The following FGFR3 variants were observed in gnomAD, a reference collection of about 807,000 sequenced individuals.
The protein encoded by FGFR3 is FGFR-3.
Under a neutral mutation model 82.9 loss-of-function variants are expected in FGFR3, and 25 were observed. The ratio of observed to expected loss-of-function variants is 0.30; its 90% CI spans 0.22 to 0.42. The LOEUF is 0.42. Among genes scored for constraint, FGFR3 ranks in the 10% least tolerant of loss-of-function variants. FGFR3 has a pLI of 1.00. For synonymous variants in FGFR3, 620 were observed against 516.0 expected, an observed-to-expected ratio of 1.20 and a Z score of -2.73; for missense variants, 1,026 against 1,161.0, an observed-to-expected ratio of 0.88 and a Z score of 1.69.
intron 2 of FGFR3, among the ~76,000 whole-genome samples, chr4:1,797,371 G>A (rs1321485632): frequency 6.6e-6 from 1 of 152,154 alleles, no homozygotes; most frequent in East Asian, 1.9e-4. Flanking sequence ...GCCTCTGCTG[G>A]CACCTAGCAG....
At chr4:1,793,739 G>T in intron 1 of FGFR3, 94 bp from the exon 2 acceptor site, 1 of 156,698 alleles carries the variant, frequency 6.4e-6, no homozygotes, top group South Asian at 1.8e-4. Context: ...CGGGCGGGGC[G>T]GCTGGGGGTC....
At chr4:1,795,532 A>T (rs1484102791) in intron 2 of FGFR3, among the ~76,000 whole-genome samples, 1 of 151,638 alleles carries the variant, frequency 6.6e-6, no homozygotes, top group Admixed American at 6.6e-5. Flanking sequence ...TGGGCCGGGC[A>T]GTAAAAATAC....
chr4:1,800,752 G>C (rs981718543), intron 4 of FGFR3, among the ~76,000 whole-genome samples: 15 of 152,194 alleles, frequency 9.9e-5, no homozygotes, highest in African/African-American at 3.6e-4. Flanking sequence ...AGTCCCGGCA[G>C]GAAGGCAGCA....
intron 6 of FGFR3, 33 bp from the exon 7 acceptor site, chr4:1,801,802 G>C: frequency 6.3e-7 from 1 of 1,599,548 alleles, no homozygotes; most frequent in Non-Finnish European, 8.5e-7. Context: ...GGTGAGGGAG[G>C]GGGTGGCCCC....
At chr4:1,799,563 G>C in intron 3 of FGFR3, 40 bp downstream of exon 3, 1 of 1,549,820 alleles carries the variant, frequency 6.5e-7, no homozygotes, top group South Asian at 1.2e-5. Context: ...AAGGAGCCGA[G>C]TGCCGGGCTC....
At chr4:1,803,982 T>A in intron 8 of FGFR3, 146 bp downstream of exon 8, 1 of 1,049,746 alleles carries the variant, frequency 9.5e-7, no homozygotes, top group Non-Finnish European at 1.4e-6. Context: ...GTGCCCAGTG[T>A]GGGGACAAAG....
chr4:1,807,280 A>C lies in FGFR3; in HGVS notation c.*18A>C, dbSNP rs768467199. ...GGACGTGAAGGGCCACTGGTCCCCA[A>C]CAATGTGAGGGGTCCCTAGCAGCCC... On this transcript the variant is annotated 3_prime_UTR_variant, in exon 18 of 18. Coordinates refer to ENST00000440486, the MANE Select transcript of FGFR3 (RefSeq NM_000142.5). 8.8e-6 allele frequency: 14 copies of C among 1,585,120 alleles called. No homozygotes were observed. In the South Asian group the frequency reaches 1.6e-4, roughly 18 times the overall value.
rs2108811926 is a variant in FGFR3, at chr4:1,806,606, C to A, written c.2091C>A (p.Gly697=). 6.2e-7 allele frequency: 1 copy of A among 1,613,222 alleles called. No individual in the cohort carries two copies. The highest frequency in any genetic ancestry group is 8.5e-7 in the Non-Finnish European group (1 of 1,179,966). ...CGCTGGGGGGCTCCCCGTACCCCGG[C>A]ATCCCTGTGGAGGAGCTCTTCAAGC... ...IFTLGGSPYP[G]IPVEELFKLL... The change falls in exon 16 of 18, where the codon GGC becomes GGA. Residue 697 remains glycine, a synonymous_variant. Transcript: ENST00000440486.
intron 2 of FGFR3, among the ~76,000 whole-genome samples, 171 bp from the exon 3 acceptor site, chr4:1,799,083 A>C (rs1487355915): frequency 6.6e-6 from 1 of 152,112 alleles, no homozygotes; most frequent in East Asian, 1.9e-4. Flanking sequence ...AAAGCTGAAG[A>C]TAGAGACCTT....
chr4:1,799,455 C>G lies in FGFR3; in HGVS notation c.311C>G (p.Ser104Cys). The G allele has an allele frequency of 6.2e-7, 1 of 1,603,766 alleles. No homozygotes were observed. Among genetic ancestry groups the G allele is most frequent in the Non-Finnish European group, 8.5e-7 (1 of 1,176,008 alleles). The change falls in exon 3 of 18, where the codon TCC becomes TGC. Residue 104 changes from serine to cysteine, a missense_variant. Ser to Cys is a moderately radical substitution (Grantham distance 112). Coordinates refer to ENST00000440486, the MANE Select transcript of FGFR3 (RefSeq NM_000142.5). ...LQVLNASHED[S>C]GAYSCRQRLT... is the part of the protein sequence containing the mutation. ...GTGCTGAATGCCTCCCACGAGGACTCCGGGGCCTACAGCTGCCGGCAGCGG... is the reference window on the plus strand; with the variant it reads ...GTGCTGAATGCCTCCCACGAGGACTGCGGGGCCTACAGCTGCCGGCAGCGG...
chr4:1,806,500 CTG>C (rs1560445320), intron 15 of FGFR3, 44 bp from the exon 16 acceptor site: 1 of 1,612,626 alleles, frequency 6.2e-7, no homozygotes, highest in South Asian at 1.1e-5. Context: ...GCCCAGGTGT[CTG>C]TCCTGGGAGT....
chr4:1,800,748 G>A (rs533523621), intron 4 of FGFR3, among the ~76,000 whole-genome samples: 1 of 152,276 alleles, frequency 6.6e-6, no homozygotes, highest in East Asian at 1.9e-4. Flanking sequence ...CTGGAGTCCC[G>A]GCAGGAAGGC....
chr4:1,795,348 G>T (rs1158453830), intron 2 of FGFR3, among the ~76,000 whole-genome samples: 1 of 151,896 alleles, frequency 6.6e-6, no homozygotes, highest in Non-Finnish European at 1.5e-5. Flanking sequence ...AAGGGCGGCG[G>T]CCAGGCTGCG....
chr4:1,806,825 G>A lies in FGFR3; in HGVS notation c.2169-4G>A, dbSNP rs758292253. 15 of 1,601,676 alleles carry A rather than the reference G, an allele frequency of 9.4e-6. No individual in the cohort carries two copies. The highest frequency in any genetic ancestry group is 4.5e-5 in the East Asian group (2 of 44,128). On this transcript the variant is annotated splice_region_variant and splice_polypyrimidine_tract_variant and intron_variant, in intron 16 of 17. Coordinates refer to ENST00000440486, the MANE Select transcript of FGFR3 (RefSeq NM_000142.5). ...GGGCTCACTCCTGAGCGCCCTGCCC[G>A]CAGGTACATGATCATGCGGGAGTGC... is the stretch of plus-strand genomic sequence containing the variant.
intron 2 of FGFR3, among the ~76,000 whole-genome samples, chr4:1,796,347 C>T (rs1225914354): frequency 1.3e-5 from 2 of 152,136 alleles, no homozygotes; most frequent in African/African-American, 4.8e-5. Flanking sequence ...TTTTTCCGGA[C>T]TTTATTGTGA....
chr4:1,807,418 TGCACATCCGC>T lies in FGFR3; in HGVS notation c.*158_*167del. 1 of 764,968 alleles carries T rather than the reference TGCACATCCGC, an allele frequency of 1.3e-6. No individual in the cohort carries two copies. The highest frequency in any genetic ancestry group is 1.6e-5 in the South Asian group (1 of 61,772). 47.4% of individuals were successfully genotyped at this position (764,968 alleles called of 1,614,324 possible). Reference sequence around the variant, plus strand: ...GTGTGTGCGTGTGTGTGTGTGTGTGTGCACATCCGCGTGTGCCTGTGTGCGTGCGCATCTT... The same window carrying T: ...GTGTGTGCGTGTGTGTGTGTGTGTGTGTGTGCCTGTGTGCGTGCGCATCTT... On this transcript the variant is annotated 3_prime_UTR_variant, in exon 18 of 18. Transcript: ENST00000440486.
rs752621056 is a variant in FGFR3, at chr4:1,799,345, T to C, written c.201T>C (p.Gly67=). 4.6e-5 allele frequency: 74 copies of C among 1,612,328 alleles called. No homozygotes were observed. In the Middle Eastern group the frequency reaches 8.2e-4, roughly 18 times the overall value. The change falls in exon 3 of 18, where the codon GGT becomes GGC. Residue 67 remains glycine, a synonymous_variant. Transcript: ENST00000440486. The part of the protein sequence containing the change: ...VELSCPPPGG[G]PMGPTVWVKD... Reference sequence around the variant, plus strand: ...TGAGCTGTCCCCCGCCCGGGGGTGGTCCCATGGGGCCCACTGTCTGGGTCA... The same window carrying C: ...TGAGCTGTCCCCCGCCCGGGGGTGGCCCCATGGGGCCCACTGTCTGGGTCA...
In FGFR3 at chr4:1,799,203, C is replaced by T. The variant is rs148449433; in HGVS notation, c.110-51C>T. On this transcript the variant is annotated intron_variant, in intron 2 of 17. Coordinates refer to ENST00000440486, the MANE Select transcript of FGFR3 (RefSeq NM_000142.5). The stretch of plus-strand genomic sequence containing the variant: ...AGGCTTCCACTGCTGTGTCTGTAAA[C>T]GGTGCCGGGTTTGGGGGTGCCTGCC... The T allele has an allele frequency of 4.9e-4, 783 of 1,610,600 alleles. 2 individuals are homozygous for T. The African/African-American group carries it at 8.8e-3, about 18-fold the overall frequency.
In FGFR3 at chr4:1,802,916, C is replaced by T. The variant is rs759963900; in HGVS notation, c.931-776C>T. 63 of 1,594,912 alleles carry T rather than the reference C, an allele frequency of 4.0e-5. 1 individual carries two copies. The Middle Eastern group carries it at 5.0e-4, about 13-fold the overall frequency. ...AGCCGGGTCTCTTGTCCCCGCAGTCCTGGATCAGTGAGAGTGTGGAGGCCG... is the reference window on the plus strand; with the variant it reads ...AGCCGGGTCTCTTGTCCCCGCAGTCTTGGATCAGTGAGAGTGTGGAGGCCG... On this transcript the variant is annotated intron_variant, in intron 7 of 17. Transcript: ENST00000440486.
Sources: gnomAD v4.1 joint callset for allele counts (sites outside exome capture counted in the v4.1 genomes callset) on GRCh38, gnomAD v4.1.1 for gene constraint, MANE v1.5 for transcripts, NCBI Gene and HGNC (gene_info 2026-07-23, HGNC 2026-07-21) for gene names.